UBE2QL1: variants seen among roughly 807,000 people sequenced by gnomAD.
The protein encoded by UBE2QL1 is ubiquitin conjugating enzyme E2 QL1, also known as ubiquitin-conjugating enzyme E2Q-like protein 1.
Under a neutral mutation model 12.6 loss-of-function variants are expected in UBE2QL1, and 5 were observed. The ratio of observed to expected loss-of-function variants is 0.40; its 90% CI spans 0.21 to 0.83. The LOEUF (loss-of-function observed/expected upper bound fraction) is 0.83, where lower values mean the gene tolerates loss of function less well. Among genes scored for constraint, UBE2QL1 ranks in the 40% least tolerant of loss-of-function variants. The pLI is 0.37. For missense variants in UBE2QL1, 99 were observed against 222.6 expected (o/e 0.44, Z 3.53); for synonymous variants, 96 against 94.5 (o/e 1.02, Z -0.10).
At chr5:6,482,591 T>C (rs1320634061) in intron 1 of UBE2QL1, among the ~76,000 whole-genome samples, 1 of 150,604 alleles carries the variant, frequency 6.6e-6, no homozygotes, top group African/African-American at 2.4e-5. Flanking sequence ...CAGTCCACTC[T>C]AGAGCACGGC....
Position 6,494,622 on chromosome 5 carries a change from A to G in UBE2QL1, c.*3273A>G, listed in dbSNP as rs935542074. The G allele has an allele frequency of 1.3e-5, 2 of 152,236 alleles. No homozygotes were observed. Among genetic ancestry groups the G allele is most frequent in the African/African-American group, 4.8e-5 (2 of 41,458 alleles). 9.4% of individuals were successfully genotyped at this position (152,236 alleles called of 1,614,324 possible). A position where few individuals can be genotyped will look rare whatever the true frequency, so the allele number is the denominator to read the frequency against. On this transcript the variant is annotated 3_prime_UTR_variant, in exon 2 of 2. Transcript: ENST00000399816. ...GTGCTTTGGAGACTAAAGATTGTCA[A>G]CGAAATGTAAGTGTCATTTTCGTAG...
chr5:6,465,616 T>TG (rs1739769619), intron 1 of UBE2QL1, among the ~76,000 whole-genome samples: 1 of 152,142 alleles, frequency 6.6e-6, no homozygotes, highest in African/African-American at 2.4e-5. Flanking sequence ...CAGGGACTCT[T>TG]GGGGGGGCTC....
chr5:6,469,546 C>T (rs1332670982), intron 1 of UBE2QL1, among the ~76,000 whole-genome samples: 1 of 145,258 alleles, frequency 6.9e-6, no homozygotes, highest in Non-Finnish European at 1.5e-5. Flanking sequence ...TTAGATTATA[C>T]ATATATATAA....
At chr5:6,471,664 G>A (rs78208000) in intron 1 of UBE2QL1, among the ~76,000 whole-genome samples, 1 of 152,134 alleles carries the variant, frequency 6.6e-6, no homozygotes, top group African/African-American at 2.4e-5. Context: ...ATAGAAGCAA[G>A]CTCAGGTCCC....
rs1734324687 is a variant in UBE2QL1 at position 6,479,918 on chromosome 5, G to A, written c.355-11300G>A. 6.6e-6 allele frequency among the ~76,000 whole-genome samples: 1 copy of A among 152,172 alleles called. No individual in the cohort carries two copies. Among genetic ancestry groups the A allele is most frequent in the South Asian group, 2.1e-4 (1 of 4,826 alleles). On this transcript the variant is annotated intron_variant, in intron 1 of 1. Coordinates refer to ENST00000399816, the MANE Select transcript of UBE2QL1 (RefSeq NM_001145161.3). The surrounding 1 kb of genome is among the most constrained non-coding windows in gnomAD (Gnocchi z 4.2). ...ATGTACGTAGTAAAGGTAGACTCAG[G>A]GCCCTGATCATCTCGGGGCTTACAT...
intron 1 of UBE2QL1, among the ~76,000 whole-genome samples, chr5:6,487,167 A>G (rs1031779263): frequency 2.6e-5 from 4 of 152,224 alleles, no homozygotes; most frequent in African/African-American, 7.2e-5. Flanking sequence ...CTGAAATTCA[A>G]TTACATGGGG....
intron 1 of UBE2QL1, among the ~76,000 whole-genome samples, chr5:6,469,852 G>A (rs373133376): frequency 2.0e-5 from 3 of 152,038 alleles, no homozygotes; most frequent in Non-Finnish European, 4.4e-5. Flanking sequence ...CCCTCATGAC[G>A]ATAACAATTT....
intron 1 of UBE2QL1, among the ~76,000 whole-genome samples, chr5:6,484,653 T>TCAG (rs1286280391): frequency 6.6e-5 from 10 of 152,098 alleles, no homozygotes; most frequent in Admixed American, 3.3e-4. Context: ...GTGTGGGGAC[T>TCAG]CAGCAGTCTC....
At chr5:6,489,153 C>A (rs986266102) in intron 1 of UBE2QL1, among the ~76,000 whole-genome samples, 1 of 151,986 alleles carries the variant, frequency 6.6e-6, no homozygotes, top group South Asian at 2.1e-4. Context: ...AGGTGTGCAT[C>A]GTGGCACATG....
Position 6,449,008 on chromosome 5 carries a change from G to C in UBE2QL1, c.115G>C (p.Val39Leu). ...VKLHQVDKDS[V>L]LWQDMKETNT... Reference sequence around the variant, plus strand: ...GCTGCACCAGGTGGACAAGGACTCGGTGCTGTGGCAGGACATGAAGGAGAC... The same window carrying C: ...GCTGCACCAGGTGGACAAGGACTCGCTGCTGTGGCAGGACATGAAGGAGAC... Residue 39 changes from valine to leucine, a missense_variant, in exon 1 of 2, where the codon GTG (valine) becomes CTG (leucine). Coordinates refer to ENST00000399816, the MANE Select transcript of UBE2QL1 (RefSeq NM_001145161.3). 6.5e-7 allele frequency: 1 copy of C among 1,549,642 alleles called. No individual in the cohort carries two copies. The highest frequency in any genetic ancestry group is 8.7e-7 in the Non-Finnish European group (1 of 1,146,170).
chr5:6,471,108 G>C (rs777453076), intron 1 of UBE2QL1, among the ~76,000 whole-genome samples: 2 of 152,138 alleles, frequency 1.3e-5, no homozygotes, highest in Non-Finnish European at 2.9e-5. Context: ...TTAGGGAATG[G>C]GTTTTGGCCA....
chr5:6,490,527 T>TGTGACA (rs773809087), intron 1 of UBE2QL1, among the ~76,000 whole-genome samples: 41 of 152,320 alleles, frequency 2.7e-4, no homozygotes, highest in South Asian at 6.2e-4. Context: ...CCCGGGATCG[T>TGTGACA]GTGACAAAGC....
intron 1 of UBE2QL1, among the ~76,000 whole-genome samples, chr5:6,473,142 T>C (rs1265557061): frequency 1.3e-5 from 2 of 152,210 alleles, no homozygotes; most frequent in Non-Finnish European, 2.9e-5. Context: ...GAATGCGGCC[T>C]CCTAGTCCAA....
rs74614681 is a variant in UBE2QL1 at position 6,482,949 on chromosome 5, C to T, written c.355-8269C>T. On this transcript the variant is annotated intron_variant, in intron 1 of 1. Transcript: ENST00000399816. The stretch of plus-strand genomic sequence containing the variant: ...GATGCCAGATGTTTTCATCTTGTCT[C>T]CCAGCTCCAAGTGGGAAAACTGCAC... 3.8e-3 allele frequency among the ~76,000 whole-genome samples: 577 copies of T among 152,314 alleles called. 10 individuals carry two copies. In the East Asian group the frequency reaches 0.053, roughly 14 times the overall value.
rs954056112 is a variant in UBE2QL1, at chr5:6,455,860, C to T, written c.354+6613C>T. On this transcript the variant is annotated intron_variant, in intron 1 of 1. Coordinates refer to ENST00000399816, the MANE Select transcript of UBE2QL1 (RefSeq NM_001145161.3). ...CTCACACTCCCTGTCCTAGGTCAAC[C>T]CTGACTCAGCGCCTTCAAAGCCCGA... Among the ~76,000 whole-genome samples, 11 of 152,156 alleles carry T rather than the reference C, an allele frequency of 7.2e-5. 1 individual carries two copies. The highest frequency in any genetic ancestry group is 7.2e-4 in the Admixed American group (11 of 15,270).
chr5:6,484,552 T>C (rs1337500792), intron 1 of UBE2QL1, among the ~76,000 whole-genome samples: 1 of 152,178 alleles, frequency 6.6e-6, no homozygotes, highest in African/African-American at 2.4e-5. Context: ...CAGGTCAACA[T>C]TTAATGAGAT....
Position 6,477,478 on chromosome 5 carries a change from C to T in UBE2QL1, c.355-13740C>T, listed in dbSNP as rs112308742. On this transcript the variant is annotated intron_variant, in intron 1 of 1. Coordinates refer to ENST00000399816, the MANE Select transcript of UBE2QL1 (RefSeq NM_001145161.3). ...GCCCGGAGGCCCTACAACCACCACC[C>T]CCACCACCAAAACCCAAGGCTGGAC... 3.9e-5 allele frequency among the ~76,000 whole-genome samples: 6 copies of T among 152,310 alleles called. 1 individual carries two copies. Among genetic ancestry groups the T allele is most frequent in the African/African-American group, 1.4e-4 (6 of 41,562 alleles).
At chr5:6,453,980 A>G (rs376697730) in intron 1 of UBE2QL1, among the ~76,000 whole-genome samples, 6 of 152,236 alleles carry the variant, frequency 3.9e-5, no homozygotes, top group African/African-American at 1.4e-4. Flanking sequence ...TCCTGGGCTC[A>G]AGCAATCCTC....
intron 1 of UBE2QL1, among the ~76,000 whole-genome samples, chr5:6,486,191 G>A (rs1030740904): frequency 6.6e-6 from 1 of 151,940 alleles, no homozygotes; most frequent in Admixed American, 6.6e-5. Context: ...TGAGAAAATC[G>A]ACATTCAGAG....
Sources: gnomAD v4.1 joint callset for allele counts (sites outside exome capture counted in the v4.1 genomes callset) on GRCh38, gnomAD v4.1.1 for gene constraint, Gnocchi (gnomAD v3.1) non-coding constraint, MANE v1.5 for transcripts, NCBI Gene and HGNC (gene_info 2026-07-23, HGNC 2026-07-21) for gene names.